Variants in SIAH3 observed in about 807,000 individuals in gnomAD.
The protein encoded by SIAH3 is seven in absentia homolog 3.
A neutral mutation model predicts 12.6 loss-of-function variants in SIAH3; 9 were observed. The ratio of observed to expected loss-of-function variants is 0.72; its 90% CI spans 0.43 to 1.25. The LOEUF is 1.25. SIAH3 is among the 50% of genes most tolerant of loss of function. The probability of loss-of-function intolerance (pLI) is 0.00; values close to 1 mark genes in which losing one functional copy is unlikely to be tolerated. For synonymous variants in SIAH3, 154 were observed against 151.1 expected (o/e 1.02, Z -0.14); for missense variants, 390 against 365.4 (o/e 1.07, Z -0.55).
chr13:45,816,895 C>T (rs1023276755), intron 1 of SIAH3, among the ~76,000 whole-genome samples: 5 of 152,162 alleles, frequency 3.3e-5, no homozygotes, highest in African/African-American at 1.2e-4. Flanking sequence ...TTTCACTGAA[C>T]CAGGTACTAA....
At chr13:45,835,221 C>A (rs1483596851) in intron 1 of SIAH3, among the ~76,000 whole-genome samples, 1 of 152,172 alleles carries the variant, frequency 6.6e-6, no homozygotes, top group Admixed American at 6.5e-5. Context: ...GACTATTTCC[C>A]AGCCTCTCCA....
At chr13:45,800,413 G>A (rs142793696) in intron 1 of SIAH3, among the ~76,000 whole-genome samples, 30 of 152,266 alleles carry the variant, frequency 2.0e-4, no homozygotes, top group African/African-American at 5.5e-4. Flanking sequence ...TTTGTTCATC[G>A]ATTCAGCAAA....
intron 1 of SIAH3, among the ~76,000 whole-genome samples, chr13:45,844,038 G>A (rs1029812478): frequency 3.9e-5 from 6 of 152,228 alleles, no homozygotes; most frequent in African/African-American, 1.2e-4. Context: ...CATTTAGGTT[G>A]TGCGCAGGAT....
At chr13:45,786,247 A>G (rs901846926) in intron 1 of SIAH3, among the ~76,000 whole-genome samples, 6 of 152,122 alleles carry the variant, frequency 3.9e-5, no homozygotes, top group Admixed American at 1.3e-4. Context: ...TTCTTCTCCT[A>G]TACTCAAGAG....
In SIAH3 at chr13:45,783,613, T is replaced by C; in HGVS notation, c.580A>G (p.Thr194Ala). The change falls in exon 2 of 2, where the codon ACC becomes GCC. Residue 194 changes from threonine (T) to alanine (A), a missense_variant. By Grantham distance (58) the Thr-to-Ala change is moderately conservative. Coordinates refer to ENST00000400405, the MANE Select transcript of SIAH3 (RefSeq NM_198849.3). ...CGATAGGTGAAGCAGTCGGCCTGGG[T>C]GGGGGTCCCAATCAGCATCATGGTG... ...FATMMLIGTP[T>A]QADCFTYRLE... is the part of the protein sequence containing the mutation. 1 of 1,614,124 alleles carries C rather than the reference T, an allele frequency of 6.2e-7. No individual in the cohort carries two copies. Among genetic ancestry groups the C allele is most frequent in the African/African-American group, 1.3e-5 (1 of 75,042 alleles).
chr13:45,829,384 C>G (rs1445741096), intron 1 of SIAH3, among the ~76,000 whole-genome samples: 1 of 152,132 alleles, frequency 6.6e-6, no homozygotes, highest in Non-Finnish European at 1.5e-5. Flanking sequence ...GGGAGGATTG[C>G]TTGAGCCCAG....
chr13:45,808,189 A>G (rs1446946876), intron 1 of SIAH3, among the ~76,000 whole-genome samples: 1 of 152,242 alleles, frequency 6.6e-6, no homozygotes, highest in Non-Finnish European at 1.5e-5. Flanking sequence ...TTTCTAGAGT[A>G]GACTGAAGAA....
chr13:45,829,697 C>A (rs753972261), intron 1 of SIAH3, among the ~76,000 whole-genome samples: 7 of 152,232 alleles, frequency 4.6e-5, no homozygotes, highest in Non-Finnish European at 1.0e-4. Flanking sequence ...GAGATAACCC[C>A]TGTTCTGACA....
intron 1 of SIAH3, among the ~76,000 whole-genome samples, chr13:45,784,803 C>A (rs1950522530): frequency 6.6e-6 from 1 of 152,140 alleles, no homozygotes; most frequent in African/African-American, 2.4e-5. Context: ...GGTGGCGTGC[C>A]CACAAGTGCC....
chr13:45,848,923 C>T lies in SIAH3; in HGVS notation c.135+2572G>A, dbSNP rs571964156. Among the ~76,000 whole-genome samples, 54 of 152,328 alleles carry T rather than the reference C, an allele frequency of 3.5e-4. 1 individual carries two copies. The highest frequency in any genetic ancestry group is 3.4e-3 in the Middle Eastern group (1 of 294). ...AAAAGAAGGACTTTCCTCCTCATTACATAGATCACAGCTTATTACGTCCAA... is the reference window on the plus strand; with the variant it reads ...AAAAGAAGGACTTTCCTCCTCATTATATAGATCACAGCTTATTACGTCCAA... On this transcript the variant is annotated intron_variant, in intron 1 of 1. Transcript: ENST00000400405.
intron 1 of SIAH3, among the ~76,000 whole-genome samples, chr13:45,792,715 T>C (rs552833068): frequency 2.0e-5 from 3 of 152,210 alleles, no homozygotes; most frequent in Non-Finnish European, 4.4e-5. Context: ...TCTCATACCT[T>C]GTTTTTTTCT....
At chr13:45,787,686 AGAG>A (rs1213986332) in intron 1 of SIAH3, among the ~76,000 whole-genome samples, 11 of 152,318 alleles carry the variant, frequency 7.2e-5, no homozygotes, top group Admixed American at 2.0e-4. Context: ...GTGGAGATGG[AGAG>A]GAGATGTCGG....
chr13:45,835,544 GGTT>G (rs1487160556), intron 1 of SIAH3, among the ~76,000 whole-genome samples: 2 of 152,118 alleles, frequency 1.3e-5, no homozygotes, highest in African/African-American at 4.8e-5. Context: ...GGAGGCAGGC[GGTT>G]ATTATTACCC....
rs1164428996 is a variant in SIAH3, at chr13:45,830,381, CAG to C, written c.135+21112_135+21113del. ...AGAAGACAAGCAAGCCCCAGGCACC[CAG>C]AGAGAGACCTAGAAAGGGAAGTGTG... is the stretch of plus-strand genomic sequence containing the variant. On this transcript the variant is annotated intron_variant, in intron 1 of 1. Coordinates refer to ENST00000400405, the MANE Select transcript of SIAH3 (RefSeq NM_198849.3). Among the ~76,000 whole-genome samples, 3 of 152,206 alleles carry C rather than the reference CAG, an allele frequency of 2.0e-5. 1 individual carries two copies. The highest frequency in any genetic ancestry group is 4.1e-4 in the South Asian group (2 of 4,828).
chr13:45,839,649 G>A (rs961208602), intron 1 of SIAH3, among the ~76,000 whole-genome samples: 22 of 151,882 alleles, frequency 1.4e-4, no homozygotes, highest in East Asian at 5.8e-4. Flanking sequence ...TGGCTAACAC[G>A]GTGAAACCCC....
At chr13:45,802,450 G>A (rs1398492041) in intron 1 of SIAH3, among the ~76,000 whole-genome samples, 1 of 152,196 alleles carries the variant, frequency 6.6e-6, no homozygotes, top group Non-Finnish European at 1.5e-5. Context: ...GAACTGTTGA[G>A]TTAGTCCTTC....
At chr13:45,800,839 G>A (rs1289410010) in intron 1 of SIAH3, among the ~76,000 whole-genome samples, 1 of 152,174 alleles carries the variant, frequency 6.6e-6, no homozygotes, top group African/African-American at 2.4e-5. Flanking sequence ...GAAATTAAGG[G>A]CCCTGGCAAG....
chr13:45,849,212 C>T (rs1174087505), intron 1 of SIAH3, among the ~76,000 whole-genome samples: 1 of 152,184 alleles, frequency 6.6e-6, no homozygotes, highest in Non-Finnish European at 1.5e-5. Context: ...ATTAGCAGCA[C>T]TCAACTTGCT....
chr13:45,841,162 C>T (rs1459423544), intron 1 of SIAH3, among the ~76,000 whole-genome samples: 1 of 152,180 alleles, frequency 6.6e-6, no homozygotes, highest in Non-Finnish European at 1.5e-5. Context: ...CCCAGGGTTC[C>T]AAGTGGCCAC....
Sources: allele counts gnomAD v4.1 joint callset (sites outside exome capture counted in the v4.1 genomes callset), GRCh38; gene constraint gnomAD v4.1.1; transcripts MANE v1.5; gene names NCBI Gene and HGNC (gene_info 2026-07-23, HGNC 2026-07-21).